Variants in PTBP2 observed in about 807,000 individuals in gnomAD.
The protein encoded by PTBP2 is polypyrimidine tract binding protein 2.
A neutral mutation model predicts 61.4 loss-of-function variants in PTBP2; 13 were observed. That is an observed-to-expected ratio of 0.21 (90% CI 0.14 to 0.34). The LOEUF (loss-of-function observed/expected upper bound fraction) is 0.34. Among genes scored for constraint, PTBP2 ranks in the 10% least tolerant of loss-of-function variants. The pLI is 1.00. For missense variants in PTBP2, 405 were observed against 642.6 expected (o/e 0.63, Z 4.00); for synonymous variants, 215 against 218.5 (o/e 0.98, Z 0.14).
chr1:96,790,555 GT>G (rs1191418864), intron 8 of PTBP2, among the ~76,000 whole-genome samples: 2 of 152,074 alleles, frequency 1.3e-5, no homozygotes, highest in African/African-American at 4.8e-5. Context: ...TCTTTATAAA[GT>G]AGAATTTTCC....
intron 2 of PTBP2, among the ~76,000 whole-genome samples, chr1:96,733,548 C>T (rs1156647322): frequency 1.3e-5 from 2 of 152,076 alleles, no homozygotes; most frequent in Non-Finnish European, 2.9e-5. Context: ...GATCTGGTGG[C>T]ATGGGCCTGT....
chr1:96,774,120 T>TAAA (rs10691287), intron 5 of PTBP2, among the ~76,000 whole-genome samples: 9 of 145,094 alleles, frequency 6.2e-5, no homozygotes, highest in Non-Finnish European at 6.1e-5. Context: ...CACAGTCTCT[T>TAAA]AAAAAAAAAA....
intron 3 of PTBP2, among the ~76,000 whole-genome samples, chr1:96,762,653 G>A (rs868845760): frequency 1.6e-4 from 24 of 148,172 alleles, no homozygotes; most frequent in South Asian, 4.3e-4. Context: ...CGGAAGGGGC[G>A]GCTGGCCGGG....
chr1:96,723,439 C>A, intron 1 of PTBP2, 125 bp from the exon 2 acceptor site: 2 of 672,300 alleles, frequency 3.0e-6, no homozygotes, highest in South Asian at 3.4e-5. Context: ...TATTTTTTAT[C>A]CCCATCTGTG....
intron 3 of PTBP2, among the ~76,000 whole-genome samples, chr1:96,768,840 C>T (rs1657047886): frequency 6.6e-6 from 1 of 151,864 alleles, no homozygotes; most frequent in South Asian, 2.1e-4. Context: ...TCAGGAGAGG[C>T]TCATTGTAGA....
intron 2 of PTBP2, among the ~76,000 whole-genome samples, chr1:96,738,295 T>TTTTG (rs1181612020): frequency 6.6e-6 from 1 of 152,116 alleles, no homozygotes; most frequent in Non-Finnish European, 1.5e-5. Context: ...GGTGAGTTTT[T>TTTTG]TTTGTTTGTT....
At chr1:96,734,395 A>G (rs773513048) in intron 2 of PTBP2, among the ~76,000 whole-genome samples, 4 of 151,938 alleles carry the variant, frequency 2.6e-5, no homozygotes, top group Non-Finnish European at 1.5e-5. Context: ...AAGTTACCTC[A>G]TATTATAAAA....
At chr1:96,805,984 T>G (rs1325025468) in intron 9 of PTBP2, among the ~76,000 whole-genome samples, 1 of 152,212 alleles carries the variant, frequency 6.6e-6, no homozygotes, top group Middle Eastern at 3.2e-3. Context: ...GTACAGTACA[T>G]AAACCAACCA....
intron 8 of PTBP2, among the ~76,000 whole-genome samples, chr1:96,800,919 A>G (rs1044083401): frequency 6.6e-6 from 1 of 152,202 alleles, no homozygotes; most frequent in South Asian, 2.1e-4. Context: ...TCAAGAAAAA[A>G]AAAATGTATT....
At chr1:96,759,638 TTAAAA>T (rs1371103356) in intron 3 of PTBP2, among the ~76,000 whole-genome samples, 3 of 152,170 alleles carry the variant, frequency 2.0e-5, no homozygotes, top group Non-Finnish European at 4.4e-5. Flanking sequence ...TGAAGATTTC[TTAAAA>T]TAGAAAAATC....
intron 5 of PTBP2, among the ~76,000 whole-genome samples, chr1:96,772,502 G>A (rs1225798168): frequency 1.3e-5 from 2 of 152,168 alleles, no homozygotes; most frequent in South Asian, 2.1e-4. Flanking sequence ...CATGCTGTGC[G>A]GTAGATCACC....
chr1:96,764,703 G>A (rs550167656), intron 3 of PTBP2, among the ~76,000 whole-genome samples: 1 of 152,278 alleles, frequency 6.6e-6, no homozygotes, highest in South Asian at 2.1e-4. Flanking sequence ...TATTCCAGTA[G>A]ATTATTTCAT....
At chr1:96,804,653 A>T (rs1661333522) in intron 8 of PTBP2, 147 bp from the exon 9 acceptor site, 1 of 709,376 alleles carries the variant, frequency 1.4e-6, no homozygotes, top group Admixed American at 2.8e-5. Flanking sequence ...CAATTTTTCT[A>T]AACACTATAA....
chr1:96,724,888 T>C (rs1208537015), intron 2 of PTBP2, among the ~76,000 whole-genome samples: 1 of 152,132 alleles, frequency 6.6e-6, no homozygotes, highest in Non-Finnish European at 1.5e-5. Flanking sequence ...CATAATGATG[T>C]GGTGTTCTTT....
Position 96,795,998 on chromosome 1 carries a change from CT to C in PTBP2, c.905-8801del, listed in dbSNP as rs199645146. On this transcript the variant is annotated intron_variant, in intron 8 of 13. Coordinates refer to ENST00000674951, the MANE Select transcript of PTBP2 (RefSeq NM_021190.4). ...ATAATAAATGCTTGCTACCTATTAA[CT>C]AGTATTTGTTTCTAAGGCTAATTTA... is the stretch of plus-strand genomic sequence containing the variant. Among the ~76,000 whole-genome samples, 660 of 152,250 alleles carry C rather than the reference CT, an allele frequency of 4.3e-3. 3 individuals are homozygous for C. Among genetic ancestry groups the C allele is most frequent in the Non-Finnish European group, 7.8e-3 (528 of 68,026 alleles).
At chr1:96,774,546 T>C (rs913818997) in intron 5 of PTBP2, among the ~76,000 whole-genome samples, 1 of 152,218 alleles carries the variant, frequency 6.6e-6, no homozygotes, top group Non-Finnish European at 1.5e-5. Flanking sequence ...AACCATGAAT[T>C]CTTTCACATC....
intron 5 of PTBP2, among the ~76,000 whole-genome samples, chr1:96,773,845 C>G (rs1174311285): frequency 6.6e-6 from 1 of 151,702 alleles, no homozygotes; most frequent in Non-Finnish European, 1.5e-5. Context: ...CGCCTGTAGT[C>G]CCAGCTACTC....
intron 2 of PTBP2, among the ~76,000 whole-genome samples, chr1:96,739,598 A>G (rs1474627662): frequency 6.6e-6 from 1 of 150,798 alleles, no homozygotes; most frequent in East Asian, 1.9e-4. Flanking sequence ...TGAATGCTAC[A>G]AAATCTGAAA....
chr1:96,770,653 A>C (rs1046806572), intron 4 of PTBP2, 55 bp from the exon 5 acceptor site: 1 of 1,373,252 alleles, frequency 7.3e-7, no homozygotes, highest in South Asian at 1.2e-5. Flanking sequence ...GATTGCTTAG[A>C]TATTAATTTT....
Sources: gnomAD v4.1 joint callset for allele counts (sites outside exome capture counted in the v4.1 genomes callset) on GRCh38, gnomAD v4.1.1 for gene constraint, MANE v1.5 for transcripts, NCBI Gene and HGNC (gene_info 2026-07-23, HGNC 2026-07-21) for gene names.